Variants in ANAPC7 observed in about 807,000 individuals in gnomAD.
ANAPC7 encodes anaphase promoting complex subunit 7.
ANAPC7 carries 25 observed loss-of-function variants against 63.3 expected under a neutral mutation model. That is an observed-to-expected ratio of 0.39 (90% CI 0.29 to 0.55). The LOEUF is 0.55. Ranked by LOEUF, ANAPC7 falls within the 20% of genes least tolerant of loss-of-function variation. The pLI is 0.57. For missense variants in ANAPC7, 516 were observed against 691.7 expected (o/e 0.75, Z 2.85); for synonymous variants, 241 against 251.7 (o/e 0.96, Z 0.40).
Position 110,387,144 on chromosome 12 carries a change from GGTTT to G in ANAPC7, c.674+591_674+594del, listed in dbSNP as rs775654101. Reference sequence around the variant, plus strand: ...TACTCAGGAGGCTGAGCAGGAGGATGGTTTGAGCCCGGGAGATTGACAGGTCAAG... The same window carrying G: ...TACTCAGGAGGCTGAGCAGGAGGATGGAGCCCGGGAGATTGACAGGTCAAG... On this transcript the variant is annotated intron_variant, in intron 5 of 10. Coordinates refer to ENST00000455511, the MANE Select transcript of ANAPC7 (RefSeq NM_016238.3). 4 of 151,892 alleles carry G rather than the reference GGTTT, an allele frequency of 2.6e-5. No homozygotes were observed. The Admixed American group carries it at 2.6e-4, about 10-fold the overall frequency. The allele number at this position is 151,892 out of a possible 1,614,324, so 9.4% of individuals were successfully genotyped here. A position where few individuals can be genotyped will look rare whatever the true frequency, so the allele number is the denominator to read the frequency against.
intron 7 of ANAPC7, among the ~76,000 whole-genome samples, chr12:110,382,455 A>ATATATACATATATAT: frequency 1.4e-5 from 1 of 70,466 alleles, no homozygotes; most frequent in African/African-American, 6.1e-5. Flanking sequence ...AAAAAAAAAA[A>ATATATACATATATAT]AAAAAAATAT....
chr12:110,396,121 TA>T (rs1883552741), intron 2 of ANAPC7, 144 bp downstream of exon 2: 1 of 692,830 alleles, frequency 1.4e-6, no homozygotes, highest in African/African-American at 1.8e-5. Context: ...GCTCAGGCAG[TA>T]ATATTCACTA....
At chr12:110,384,904 C>A (rs1033532524) in intron 6 of ANAPC7, among the ~76,000 whole-genome samples, 1 of 152,134 alleles carries the variant, frequency 6.6e-6, no homozygotes, top group African/African-American at 2.4e-5. Context: ...GCCAATCAGT[C>A]TCAGAAAAAG....
intron 2 of ANAPC7, 65 bp downstream of exon 2, chr12:110,396,201 G>C (rs1883562290): frequency 4.8e-6 from 7 of 1,460,180 alleles, no homozygotes; most frequent in Non-Finnish European, 6.5e-6. Context: ...TGGGGACCCT[G>C]TTCTAAATTC....
chr12:110,401,115 T>C (rs975920286), intron 1 of ANAPC7, among the ~76,000 whole-genome samples: 1 of 152,182 alleles, frequency 6.6e-6, no homozygotes, highest in Non-Finnish European at 1.5e-5. Context: ...AGCAGCTGCA[T>C]TGTAAGCACT....
At chr12:110,393,575 A>G (rs1883286997) in intron 3 of ANAPC7, among the ~76,000 whole-genome samples, 1 of 151,444 alleles carries the variant, frequency 6.6e-6, no homozygotes, top group African/African-American at 2.4e-5. Context: ...AAAAAAAAGA[A>G]AAAAAAAATT....
At chr12:110,383,911 A>C (rs1882200253) in intron 6 of ANAPC7, among the ~76,000 whole-genome samples, 1 of 142,306 alleles carries the variant, frequency 7.0e-6, no homozygotes, top group Non-Finnish European at 1.5e-5. Context: ...AAAAAAAAAG[A>C]AAAAAGAAGG....
chr12:110,374,390 G>T, intron 10 of ANAPC7, 57 bp from the exon 11 acceptor site: 1 of 1,548,842 alleles, frequency 6.5e-7, no homozygotes, highest in South Asian at 1.2e-5. Context: ...CTTGCTGGCT[G>T]ATTCGTCATC....
chr12:110,396,865 A>G (rs1024132374), intron 1 of ANAPC7, among the ~76,000 whole-genome samples: 2 of 152,000 alleles, frequency 1.3e-5, no homozygotes, highest in African/African-American at 4.8e-5. Context: ...TCTCATATTA[A>G]GATGAAGTAC....
At chr12:110,402,332 ATTT>A (rs758118135) in intron 1 of ANAPC7, among the ~76,000 whole-genome samples, 2 of 144,238 alleles carry the variant, frequency 1.4e-5, no homozygotes, top group Non-Finnish European at 1.5e-5. Context: ...GCAATAAAGG[ATTT>A]TTTTTTTTTT....
chr12:110,394,215 G>C (rs1006237345), intron 3 of ANAPC7, among the ~76,000 whole-genome samples: 8 of 151,216 alleles, frequency 5.3e-5, no homozygotes, highest in Admixed American at 2.0e-4. Context: ...AATAGGCTTG[G>C]AGTGGCATCT....
chr12:110,380,831 G>C (rs1355654764), intron 8 of ANAPC7, among the ~76,000 whole-genome samples: 2 of 151,190 alleles, frequency 1.3e-5, no homozygotes, highest in Non-Finnish European at 2.9e-5. Flanking sequence ...CTAGCTACTG[G>C]GGAGGCTGAG....
At chr12:110,398,909 T>A (rs2062181731) in intron 1 of ANAPC7, among the ~76,000 whole-genome samples, 1 of 152,032 alleles carries the variant, frequency 6.6e-6, no homozygotes, top group African/African-American at 2.4e-5. Context: ...AGTGTGCCAT[T>A]GCACTCCAGC....
At chr12:110,374,421 T>C in intron 10 of ANAPC7, 88 bp from the exon 11 acceptor site, 1 of 1,351,938 alleles carries the variant, frequency 7.4e-7, no homozygotes, top group South Asian at 1.4e-5. Context: ...GGCAGTGAAA[T>C]GACCACACAG....
Position 110,395,177 on chromosome 12 carries a change from C to T in ANAPC7, c.332G>A (p.Cys111Tyr). ...EIEVKYKMAE[C>Y]YTMLKQDKDA... is the part of the protein sequence containing the mutation. Reference sequence around the variant, plus strand: ...TTTATCTTGTTTTAGCATTGTATAACATTCAGCCATTTTGTATTTCACTTC... The same window carrying T: ...TTTATCTTGTTTTAGCATTGTATAATATTCAGCCATTTTGTATTTCACTTC... The change falls in exon 3 of 11, where the codon TGT (cysteine) becomes TAT (tyrosine). Residue 111 changes from cysteine to tyrosine, a missense_variant. By Grantham distance (194) the Cys-to-Tyr change is radical. Transcript: ENST00000455511. 1 of 1,613,540 alleles carries T rather than the reference C, an allele frequency of 6.2e-7. No individual in the cohort carries two copies.
At chr12:110,384,023 A>G (rs1324481103) in intron 6 of ANAPC7, among the ~76,000 whole-genome samples, 2 of 151,166 alleles carry the variant, frequency 1.3e-5, no homozygotes, top group Non-Finnish European at 2.9e-5. Flanking sequence ...CAAGATGGTG[A>G]AACCCCGTCT....
At chr12:110,383,784 G>A (rs1377496573) in intron 6 of ANAPC7, among the ~76,000 whole-genome samples, 1 of 146,052 alleles carries the variant, frequency 6.8e-6, no homozygotes, top group African/African-American at 2.5e-5. Context: ...GCTGAGGCAG[G>A]AGAATCGCTT....
intron 10 of ANAPC7, 113 bp from the exon 11 acceptor site, chr12:110,374,446 C>G (rs930349949): frequency 9.4e-7 from 1 of 1,068,932 alleles, no homozygotes. Context: ...AAAAAATGTG[C>G]TAAAGCCTGG....
At chr12:110,399,179 C>T (rs1017850535) in intron 1 of ANAPC7, among the ~76,000 whole-genome samples, 2 of 151,660 alleles carry the variant, frequency 1.3e-5, no homozygotes, top group Non-Finnish European at 2.9e-5. Context: ...TGCCACCTCG[C>T]CCAGCTAATT....
Sources: gnomAD v4.1 joint callset for allele counts (sites outside exome capture counted in the v4.1 genomes callset) on GRCh38, gnomAD v4.1.1 for gene constraint, MANE v1.5 for transcripts, NCBI Gene and HGNC (gene_info 2026-07-23, HGNC 2026-07-21) for gene names.